SMAP2: variants seen among roughly 807,000 people sequenced by gnomAD.
SMAP2 encodes the protein stromal membrane-associated protein 2.
SMAP2 carries 25 observed loss-of-function variants against 56.4 expected under a neutral mutation model. The ratio of observed to expected loss-of-function variants is 0.44; its 90% CI spans 0.32 to 0.62. SMAP2 has a LOEUF of 0.62. SMAP2 is among the 20% of genes least tolerant of loss of function. The pLI, the probability that SMAP2 is intolerant of heterozygous loss-of-function variation, is 0.04. For synonymous variants in SMAP2, 157 were observed against 181.7 expected (o/e 0.86, Z 1.09); for missense variants, 388 against 545.6 (o/e 0.71, Z 2.88).
At chr1:40,387,693 C>G (rs1362822082) in intron 1 of SMAP2, among the ~76,000 whole-genome samples, 1 of 152,098 alleles carries the variant, frequency 6.6e-6, no homozygotes, top group African/African-American at 2.4e-5. Flanking sequence ...AGCGTGCTGG[C>G]AGCCCTCACA....
intron 1 of SMAP2, among the ~76,000 whole-genome samples, chr1:40,402,600 C>T (rs1270885911): frequency 6.6e-6 from 1 of 152,088 alleles, no homozygotes; most frequent in African/African-American, 2.4e-5. Flanking sequence ...CAGGCACGTG[C>T]CACCATGCCT....
chr1:40,371,396 A>G (rs1038684494), upstream of SMAP2, among the ~76,000 whole-genome samples: 2 of 152,202 alleles, frequency 1.3e-5, no homozygotes, highest in Non-Finnish European at 2.9e-5. Flanking sequence ...AAAAGAGCTA[A>G]TACTTGATGT....
chr1:40,373,990 GAGGAGAGGGCTCTCCCCGCTC>G lies in SMAP2; in HGVS notation c.-125_-105del, dbSNP rs967792634. On this transcript the variant is annotated 5_prime_UTR_variant, in exon 1 of 10. Coordinates refer to ENST00000372718, the MANE Select transcript of SMAP2 (RefSeq NM_022733.3). ...CGGGAAGGGGCGTCCGGCGGGGCCGGAGGAGAGGGCTCTCCCCGCTCAGGAGGTGCCCCTGGGCGGGGGACC... is the reference window on the plus strand; with the variant it reads ...CGGGAAGGGGCGTCCGGCGGGGCCGGAGGAGGTGCCCCTGGGCGGGGGACC... 1 of 660,078 alleles carries G rather than the reference GAGGAGAGGGCTCTCCCCGCTC, an allele frequency of 1.5e-6. No individual in the cohort carries two copies. The highest frequency in any genetic ancestry group is 2.6e-6 in the Non-Finnish European group (1 of 378,962). 40.9% of individuals were successfully genotyped at this position (660,078 alleles called of 1,614,324 possible).
chr1:40,387,240 A>C lies in SMAP2; in HGVS notation c.103+13017A>C, dbSNP rs183508061. On this transcript the variant is annotated intron_variant, in intron 1 of 9. Transcript: ENST00000372718. ...TCTTTTTTGCTTAACATTTATTATA[A>C]GCTTATTTCATGACATTAAAAACGT... is the stretch of plus-strand genomic sequence containing the variant. Among the ~76,000 whole-genome samples the C allele has an allele frequency of 2.2e-3, 332 of 152,314 alleles. 2 individuals are homozygous for C. Among genetic ancestry groups the C allele is most frequent in the African/African-American group, 7.8e-3 (325 of 41,566 alleles).
chr1:40,348,694 A>G (rs914825036), intron 1 of SMAP2, among the ~76,000 whole-genome samples: 2 of 152,166 alleles, frequency 1.3e-5, no homozygotes, highest in African/African-American at 4.8e-5. Flanking sequence ...AAAAAAAATT[A>G]ATAAACTTAT....
At chr1:40,393,349 ATGAG>A in intron 1 of SMAP2, 1 of 1,532,174 alleles carries the variant, frequency 6.5e-7, no homozygotes, top group Non-Finnish European at 8.7e-7. Flanking sequence ...ACAACCACAA[ATGAG>A]TGAGTGCAGC....
At chr1:40,412,285 A>G (rs1182755893) in intron 4 of SMAP2, among the ~76,000 whole-genome samples, 2 of 152,160 alleles carry the variant, frequency 1.3e-5, no homozygotes, top group African/African-American at 2.4e-5. Flanking sequence ...CAGAATTTGT[A>G]CCATTTTACT....
At chr1:40,350,699 G>T (rs764337637) in intron 1 of SMAP2, among the ~76,000 whole-genome samples, 10 of 152,162 alleles carry the variant, frequency 6.6e-5, no homozygotes, top group Non-Finnish European at 1.2e-4. Flanking sequence ...AGGGCCTCTT[G>T]TGTCTATTTG....
intron 9 of SMAP2, among the ~76,000 whole-genome samples, chr1:40,417,913 ATTAT>A (rs1412967962): frequency 6.6e-6 from 1 of 152,212 alleles, no homozygotes; most frequent in African/African-American, 2.4e-5. Flanking sequence ...CTTCACACCT[ATTAT>A]TGCTGATTGA....
chr1:40,402,212 A>G (rs1459432899), intron 1 of SMAP2, among the ~76,000 whole-genome samples: 12 of 152,214 alleles, frequency 7.9e-5, no homozygotes. Flanking sequence ...TTATTGATAC[A>G]TAATAGATGT....
At position 40,385,808 on chromosome 1, in the gene SMAP2, G is replaced by A. The variant is rs1344485394; in HGVS notation, c.103+11585G>A. ...CAATGTTATTTCACCTCAGTGGTCT[G>A]AAGTGCGCACACAGTACATTTTGTT... On this transcript the variant is annotated intron_variant, in intron 1 of 9. Coordinates refer to ENST00000372718, the MANE Select transcript of SMAP2 (RefSeq NM_022733.3). The surrounding 1 kb of genome is among the most constrained non-coding windows in gnomAD (Gnocchi z 4.5). Among the ~76,000 whole-genome samples, 18 of 152,226 alleles carry A rather than the reference G, an allele frequency of 1.2e-4. 1 individual carries two copies. The highest frequency in any genetic ancestry group is 1.2e-3 in the Admixed American group (18 of 15,284).
chr1:40,417,128 T>C, intron 9 of SMAP2, 32 bp downstream of exon 9: 1 of 1,538,486 alleles, frequency 6.5e-7, no homozygotes, highest in Non-Finnish European at 8.9e-7. Context: ...GCAGCAAGAG[T>C]TTTGAGCCTT....
intron 1 of SMAP2, among the ~76,000 whole-genome samples, chr1:40,351,652 C>T (rs185351040): frequency 2.6e-5 from 4 of 152,192 alleles, no homozygotes; most frequent in Admixed American, 2.6e-4. Flanking sequence ...TACAGGCGTG[C>T]ACCACCAAGC....
chr1:40,388,438 G>T (rs1342872568), intron 1 of SMAP2, among the ~76,000 whole-genome samples: 1 of 152,144 alleles, frequency 6.6e-6, no homozygotes, highest in Non-Finnish European at 1.5e-5. Flanking sequence ...GTCTAGCTCA[G>T]GGTTTGTGAA....
intron 5 of SMAP2, among the ~76,000 whole-genome samples, 158 bp downstream of exon 5, chr1:40,413,260 C>T (rs903624365): frequency 1.3e-5 from 2 of 152,128 alleles, no homozygotes; most frequent in Non-Finnish European, 2.9e-5. Flanking sequence ...CATTTCTGCT[C>T]TCTCGTTACC....
rs1569827845 is a variant in SMAP2 at position 40,366,383 on chromosome 1, T to A, written c.55+3947T>A. 3.4e-5 allele frequency among the ~76,000 whole-genome samples: 4 copies of A among 118,080 alleles called. No homozygotes were observed. In the South Asian group the frequency reaches 1.3e-3, roughly 39 times the overall value. The allele number at this position is 118,080 out of a possible 152,430, so 77.5% of individuals were successfully genotyped here. On this transcript the variant is annotated intron_variant, in intron 2 of 6. Transcript: ENST00000435168. ...AAAGATACTCCTCGAGAAGAGCAAC[T>A]CCAAGACACATAATTGTCAGATTCA...
At chr1:40,400,615 G>A (rs184264992) in intron 1 of SMAP2, among the ~76,000 whole-genome samples, 7 of 152,276 alleles carry the variant, frequency 4.6e-5, no homozygotes, top group South Asian at 2.1e-4. Context: ...TCTGACTGAC[G>A]CAATGGAATG....
intron 1 of SMAP2, among the ~76,000 whole-genome samples, chr1:40,389,434 T>C (rs577455341): frequency 6.6e-6 from 1 of 152,264 alleles, no homozygotes; most frequent in South Asian, 2.1e-4. Flanking sequence ...TGAGCAGCAT[T>C]ATTCTGTTAA....
intron 1 of SMAP2, among the ~76,000 whole-genome samples, chr1:40,345,588 A>G (rs948046228): frequency 2.4e-4 from 36 of 151,854 alleles, no homozygotes; most frequent in Non-Finnish European, 4.7e-4. Context: ...CAGCCTCCCA[A>G]AGTGCTAGGA....
Sources: allele counts gnomAD v4.1 joint callset (sites outside exome capture counted in the v4.1 genomes callset), GRCh38; gene constraint gnomAD v4.1.1; non-coding constraint Gnocchi (gnomAD v3.1); transcripts MANE v1.5; gene names NCBI Gene and HGNC (gene_info 2026-07-23, HGNC 2026-07-21).